DDC: variants seen among roughly 807,000 people sequenced by gnomAD.
DDC encodes aromatic-L-amino-acid decarboxylase.
DDC carries 43 observed loss-of-function variants against 60.0 expected under a neutral mutation model. The ratio of observed to expected loss-of-function variants is 0.72; its 90% CI spans 0.56 to 0.92. The LOEUF is 0.92. Among genes scored for constraint, DDC ranks in the 40% least tolerant of loss-of-function variants. DDC has a pLI of 0.00. For missense variants in DDC, 573 were observed against 620.2 expected (o/e 0.92, Z 0.81); for synonymous variants, 232 against 234.6 (o/e 0.99, Z 0.10).
chr7:50,559,972 C>T lies in DDC; in HGVS notation c.-29+5313G>A, dbSNP rs557554087. Among the ~76,000 whole-genome samples the T allele has an allele frequency of 3.9e-5, 6 of 152,254 alleles. No individual in the cohort carries two copies. The East Asian group carries it at 5.8e-4, about 15-fold the overall frequency. ...TGGCTGTGTGTAGACGCCCACCTAG[C>T]GTGTGCCCAGAAGACAGGAAGAAAA... On this transcript the variant is annotated intron_variant, in intron 1 of 14. Coordinates refer to ENST00000444124, the MANE Select transcript of DDC (RefSeq NM_001082971.2).
chr7:50,552,174 G>C (rs1006972275), intron 1 of DDC, among the ~76,000 whole-genome samples: 2 of 152,250 alleles, frequency 1.3e-5, no homozygotes, highest in East Asian at 3.9e-4. Context: ...TTTTTAGAAG[G>C]CTCTTAGCAT....
At chr7:50,477,851 A>G (rs12718527) in intron 10 of DDC, among the ~76,000 whole-genome samples, 84,153 of 151,706 alleles carry the variant, frequency 0.55, 23,497 homozygotes, top group Admixed American at 0.62. Context: ...GATTCACAGA[A>G]ACCACTGCAA....
chr7:50,540,216 C>A lies in DDC; in HGVS notation c.202-188G>T, dbSNP rs935471516. 1.1e-5 allele frequency: 7 copies of A among 625,304 alleles called. No individual in the cohort carries two copies. The South Asian group carries it at 1.2e-4, about 10-fold the overall frequency. The allele number at this position is 625,304 out of a possible 1,614,324, so 38.7% of individuals were successfully genotyped here. ...ATTATTTCGGAGCATTTACACATCA[C>A]CTTACTGTCCCCACTCCCTTTAAAC... On this transcript the variant is annotated intron_variant, in intron 2 of 14. Coordinates refer to ENST00000444124, the MANE Select transcript of DDC (RefSeq NM_001082971.2).
chr7:50,472,896 C>A (rs1255310505), intron 11 of DDC, among the ~76,000 whole-genome samples: 1 of 152,174 alleles, frequency 6.6e-6, no homozygotes, highest in Non-Finnish European at 1.5e-5. Context: ...GGGATCTTCT[C>A]CCCAGACTGA....
At chr7:50,474,984 T>C (rs2042609972) in intron 11 of DDC, among the ~76,000 whole-genome samples, 2 of 152,228 alleles carry the variant, frequency 1.3e-5, no homozygotes, top group South Asian at 4.1e-4. Flanking sequence ...CAAGGGACTT[T>C]CCCAGGGAAG....
At chr7:50,544,845 C>T (rs768209167) in intron 1 of DDC, among the ~76,000 whole-genome samples, 4 of 152,192 alleles carry the variant, frequency 2.6e-5, no homozygotes, top group African/African-American at 9.6e-5. Flanking sequence ...GTGATCCCAA[C>T]ATTTTTGTCA....
At chr7:50,474,396 G>A (rs2042596033) in intron 11 of DDC, among the ~76,000 whole-genome samples, 1 of 152,210 alleles carries the variant, frequency 6.6e-6, no homozygotes, top group Non-Finnish European at 1.5e-5. Context: ...TGGTGGTGGA[G>A]GGAGTAGGAT....
At chr7:50,498,411 G>T (rs1354552660) in intron 8 of DDC, among the ~76,000 whole-genome samples, 1 of 152,202 alleles carries the variant, frequency 6.6e-6, no homozygotes, top group East Asian at 1.9e-4. Flanking sequence ...GCCAAAGACT[G>T]CCTCTCAGGA....
At chr7:50,534,323 C>T (rs2044316921) in intron 4 of DDC, among the ~76,000 whole-genome samples, 1 of 152,134 alleles carries the variant, frequency 6.6e-6, no homozygotes, top group African/African-American at 2.4e-5. Flanking sequence ...TGACCGATCT[C>T]CTACAGCTCA....
chr7:50,545,869 A>G (rs891622278), intron 1 of DDC, among the ~76,000 whole-genome samples: 1 of 152,140 alleles, frequency 6.6e-6, no homozygotes, highest in Non-Finnish European at 1.5e-5. Context: ...CTTCTCTAAC[A>G]CATGTATTTT....
intron 6 of DDC, among the ~76,000 whole-genome samples, chr7:50,523,853 A>G (rs1344381536): frequency 6.6e-6 from 1 of 152,240 alleles, no homozygotes; most frequent in Non-Finnish European, 1.5e-5. Flanking sequence ...TTATGTACAC[A>G]CAAAAACCTG....
chr7:50,541,851 G>A (rs893757073), intron 2 of DDC, among the ~76,000 whole-genome samples: 1 of 152,210 alleles, frequency 6.6e-6, no homozygotes, highest in East Asian at 1.9e-4. Flanking sequence ...TGTAGCATGA[G>A]CAACCCCCTC....
At chr7:50,475,131 C>T (rs748823329) in intron 11 of DDC, among the ~76,000 whole-genome samples, 21 of 152,174 alleles carry the variant, frequency 1.4e-4, no homozygotes, top group Non-Finnish European at 2.9e-4. Flanking sequence ...GCTGCAATGT[C>T]GTTTGTACAG....
chr7:50,465,570 C>T (rs2042377265), intron 13 of DDC, among the ~76,000 whole-genome samples: 1 of 152,202 alleles, frequency 6.6e-6, no homozygotes, highest in South Asian at 2.1e-4. Context: ...CGAGGTTTCA[C>T]CATGTTGGTC....
At chr7:50,540,052 G>T in intron 2 of DDC, 24 bp from the exon 3 acceptor site, 1 of 1,580,402 alleles carries the variant, frequency 6.3e-7, no homozygotes, top group Non-Finnish European at 8.7e-7. Context: ...CAGAGCAGCT[G>T]CTGAGGAGTG....
intron 4 of DDC, among the ~76,000 whole-genome samples, chr7:50,535,093 G>A (rs1563035947): frequency 6.6e-6 from 1 of 152,168 alleles, no homozygotes; most frequent in Non-Finnish European, 1.5e-5. Flanking sequence ...CTGCTACGTA[G>A]AATGGTATGG....
At chr7:50,523,876 T>G (rs1453849484) in intron 6 of DDC, among the ~76,000 whole-genome samples, 1 of 152,222 alleles carries the variant, frequency 6.6e-6, no homozygotes, top group East Asian at 1.9e-4. Context: ...CACAAATGCT[T>G]ATAGCACTTC....
chr7:50,507,806 C>T (rs558132384), intron 6 of DDC, among the ~76,000 whole-genome samples: 5 of 152,254 alleles, frequency 3.3e-5, no homozygotes, highest in South Asian at 2.1e-4. Context: ...ATGTTCTTTG[C>T]GGCTAACTCT....
chr7:50,554,176 C>T (rs116084016), intron 1 of DDC, among the ~76,000 whole-genome samples: 34 of 152,298 alleles, frequency 2.2e-4, no homozygotes, highest in Non-Finnish European at 3.1e-4. Context: ...TCCTTCTCAG[C>T]CTCTGTGAAA....
Sources: gnomAD v4.1 joint callset for allele counts (sites outside exome capture counted in the v4.1 genomes callset) on GRCh38, gnomAD v4.1.1 for gene constraint, MANE v1.5 for transcripts, NCBI Gene and HGNC (gene_info 2026-07-23, HGNC 2026-07-21) for gene names.